The following ZNF484 variants were observed in gnomAD, a reference collection of about 807,000 sequenced individuals.
ZNF484 encodes the protein zinc finger protein 484, also known as KRAB box containing C2H2 type zinc finger bA526D8.4.
ZNF484 carries 11 observed loss-of-function variants against 12.9 expected under a neutral mutation model. That is an observed-to-expected ratio of 0.85 (90% CI 0.54 to 1.41). The LOEUF is 1.41. ZNF484 is among the 40% of genes most tolerant of loss of function. The pLI, the probability that ZNF484 is intolerant of heterozygous loss-of-function variation, is 0.00. For missense variants in ZNF484, 807 were observed against 1,007.7 expected (o/e 0.80, Z 2.70); for synonymous variants, 289 against 334.1 (o/e 0.86, Z 1.47).
intron 2 of ZNF484, among the ~76,000 whole-genome samples, chr9:92,862,812 T>C (rs35744667): frequency 1.8e-4 from 28 of 152,268 alleles, no homozygotes; most frequent in Non-Finnish European, 3.4e-4. Context: ...TTTTACACTG[T>C]TAGTGGGAAT....
chr9:92,876,242 A>C (rs1243440170), intron 1 of ZNF484, among the ~76,000 whole-genome samples: 1 of 152,196 alleles, frequency 6.6e-6, no homozygotes, highest in Non-Finnish European at 1.5e-5. Context: ...AAAAAAACAG[A>C]AAAAATGGGG....
chr9:92,852,014 A>T (rs1194147154), intron 4 of ZNF484, among the ~76,000 whole-genome samples: 2 of 152,240 alleles, frequency 1.3e-5, no homozygotes, highest in Non-Finnish European at 2.9e-5. Flanking sequence ...TAGTTTTTCT[A>T]GCCCTTTGAA....
chr9:92,875,114 A>C, intron 1 of ZNF484, 55 bp from the exon 2 acceptor site: 117 of 1,474,942 alleles, frequency 7.9e-5, no homozygotes, highest in Non-Finnish European at 1.0e-4. Context: ...TGCCAATGTC[A>C]CACATGGACA....
chr9:92,870,505 T>C (rs1857367689), intron 2 of ZNF484, among the ~76,000 whole-genome samples: 1 of 152,162 alleles, frequency 6.6e-6, no homozygotes, highest in Non-Finnish European at 1.5e-5. Context: ...TCCACTGCAA[T>C]AGGGTAGTAT....
In ZNF484 at chr9:92,846,239, A is replaced by G; in HGVS notation, c.2548T>C (p.Ser850Pro). 1 of 1,612,778 alleles carries G rather than the reference A, an allele frequency of 6.2e-7. No homozygotes were observed. Among genetic ancestry groups the G allele is most frequent in the Non-Finnish European group, 8.5e-7 (1 of 1,179,422 alleles). ...GDSEGDQGQL[S>P]SI ...GTTCATAATTCTAACTAGATAGAAGAAAGTTGGCCTTGGTCACCTTCTGAG... is the reference window on the plus strand; with the variant it reads ...GTTCATAATTCTAACTAGATAGAAGGAAGTTGGCCTTGGTCACCTTCTGAG... The change falls in exon 5 of 5, where the codon TCT becomes CCT. Residue 850 changes from serine (S) to proline (P), a missense_variant. Physicochemically the swap from Ser to Pro is moderately conservative, Grantham distance 74. Coordinates refer to ENST00000375495, the MANE Select transcript of ZNF484 (RefSeq NM_031486.4).
rs552705665 is a variant in ZNF484 at position 92,872,033 on chromosome 9, C to T, written c.15+2982G>A. On this transcript the variant is annotated intron_variant, in intron 2 of 4. Coordinates refer to ENST00000375495, the MANE Select transcript of ZNF484 (RefSeq NM_031486.4). ...ATCGCCTGAGGTTGGGAGTTTGAGA[C>T]CAGCCTGACCAACATGGAGAAACCC... is the stretch of plus-strand genomic sequence containing the variant. 1.3e-4 allele frequency among the ~76,000 whole-genome samples: 20 copies of T among 152,098 alleles called. No individual in the cohort carries two copies. The South Asian group carries it at 4.1e-3, about 32-fold the overall frequency.
rs1239038236 is a variant in ZNF484, at chr9:92,848,029, A to G, written c.758T>C (p.Phe253Ser). The stretch of plus-strand genomic sequence containing the variant: ...GGAGAAAACATTTACGTAGTCAGAA[A>G]ACAAATAGAGGCTCTCTCTAGTATG... ...KIHTRESLYL[F>S]SDYVNVFSPK... Residue 253 changes from phenylalanine to serine, a missense_variant, in exon 5 of 5, where the codon TTT becomes TCT. Transcript: ENST00000375495. The surrounding 1 kb of genome is among the most constrained non-coding windows in gnomAD (Gnocchi z 4.1). 1 of 1,614,226 alleles carries G rather than the reference A, an allele frequency of 6.2e-7. No homozygotes were observed. Among genetic ancestry groups the G allele is most frequent in the Admixed American group, 1.7e-5 (1 of 60,030 alleles).
chr9:92,872,771 T>TAAA (rs56991443), intron 2 of ZNF484, among the ~76,000 whole-genome samples: 67 of 148,764 alleles, frequency 4.5e-4, no homozygotes, highest in African/African-American at 1.6e-3. Flanking sequence ...TATAGAACTG[T>TAAA]AAAAAAAAAA....
At chr9:92,865,043 AGAGAGAGAGAGAGAAC>A (rs1322023943) in intron 2 of ZNF484, among the ~76,000 whole-genome samples, 1 of 149,946 alleles carries the variant, frequency 6.7e-6, no homozygotes, top group African/African-American at 2.5e-5. Context: ...AGAGAGAGAA[AGAGAGAGAGAGAGAAC>A]GAGAGAGAAA....
At chr9:92,867,979 T>A (rs549719263) in intron 2 of ZNF484, among the ~76,000 whole-genome samples, 1 of 152,342 alleles carries the variant, frequency 6.6e-6, no homozygotes, top group South Asian at 2.1e-4. Flanking sequence ...TGAGTGTCAA[T>A]AGGGCTGTAT....
In ZNF484 at chr9:92,846,997, G is replaced by A. The variant is rs1472789338; in HGVS notation, c.1790C>T (p.Thr597Ile). The A allele has an allele frequency of 6.2e-7, 1 of 1,613,998 alleles. No homozygotes were observed. The highest frequency in any genetic ancestry group is 1.7e-5 in the Admixed American group (1 of 60,014). ...CTCTCCAGTATGAATTCTCTCATGT[G>A]TAATAAAATGGGATTTGTGGAAGAA... is the stretch of plus-strand genomic sequence containing the variant. ...KAFFHKSHFI[T>I]HERIHTGEKP... The change falls in exon 5 of 5, where the codon ACA becomes ATA. Residue 597 changes from threonine (T) to isoleucine (I), a missense_variant. Coordinates refer to ENST00000375495, the MANE Select transcript of ZNF484 (RefSeq NM_031486.4).
At chr9:92,867,764 C>G (rs1564114656) in intron 2 of ZNF484, among the ~76,000 whole-genome samples, 2 of 152,170 alleles carry the variant, frequency 1.3e-5, no homozygotes, top group Non-Finnish European at 2.9e-5. Context: ...CTGCACTGAG[C>G]ACATCTTCTC....
rs776370950 is a variant in ZNF484, at chr9:92,848,530, G to A, written c.257C>T (p.Pro86Leu). 1.1e-5 allele frequency: 17 copies of A among 1,590,146 alleles called. No homozygotes were observed. In the East Asian group the frequency reaches 3.6e-4, roughly 33 times the overall value. The change falls in exon 5 of 5, where the codon CCT becomes CTT. Residue 86 changes from proline to leucine, a missense_variant. Physicochemically the swap from Pro to Leu is moderately conservative, Grantham distance 98 (BLOSUM62 -3). Transcript: ENST00000375495. The surrounding 1 kb of genome is among the most constrained non-coding windows in gnomAD (Gnocchi z 4.1). Reference sequence around the variant, plus strand: ...TTCTTCAGACATCCTCTGTTGTAAAGGTCCAAAACCAATGTCCCCATCTAA... The same window carrying A: ...TTCTTCAGACATCCTCTGTTGTAAAAGTCCAAAACCAATGTCCCCATCTAA... ...SRPDGDIGFG[P>L]LQQRMSEEVS...
At position 92,874,548 on chromosome 9, in the gene ZNF484, G is replaced by A. The variant is rs182386189; in HGVS notation, c.15+467C>T. Reference sequence around the variant, plus strand: ...GTTGGTCTGGAACTCCTGATCTCATGTGATCCACCTGCCTCGACCTCCCAA... The same window carrying A: ...GTTGGTCTGGAACTCCTGATCTCATATGATCCACCTGCCTCGACCTCCCAA... On this transcript the variant is annotated intron_variant, in intron 2 of 4. Transcript: ENST00000375495. Among the ~76,000 whole-genome samples the A allele has an allele frequency of 5.9e-5, 9 of 152,230 alleles. No individual in the cohort carries two copies. The East Asian group carries it at 1.7e-3, about 29-fold the overall frequency.
rs572032363 is a variant in ZNF484, at chr9:92,862,243, C to A, written c.16-5925G>T. 7 of 597,328 alleles carry A rather than the reference C, an allele frequency of 1.2e-5. 1 individual carries two copies. In the South Asian group the frequency reaches 5.2e-4, roughly 44 times the overall value. The allele number at this position is 597,328 out of a possible 1,614,324, so 37.0% of individuals were successfully genotyped here. ...TTACTTAGGTAATTCTTAGGAATTA[C>A]CTGCCATATATTTACTAAGCAAGAT... On this transcript the variant is annotated intron_variant, in intron 2 of 4. Transcript: ENST00000375495.
intron 3 of ZNF484, 78 bp from the exon 4 acceptor site, chr9:92,855,981 C>A: frequency 1.3e-6 from 2 of 1,515,260 alleles, no homozygotes; most frequent in South Asian, 1.2e-5. Flanking sequence ...CAAAAAAGTT[C>A]ACTGGGAACA....
rs1280668730 is a variant in ZNF484, at chr9:92,848,230, T to C, written c.557A>G (p.Glu186Gly). ...TCTATTATATAAGGTTATGATAGGCTCCAAATTCTTTCCACACGAGTTACA... is the reference window on the plus strand; with the variant it reads ...TCTATTATATAAGGTTATGATAGGCCCCAAATTCTTTCCACACGAGTTACA... ...HNCNSCGKNL[E>G]PIITLYNRNN... The change falls in exon 5 of 5, where the codon GAG (glutamate) becomes GGG (glycine). Residue 186 changes from glutamate (E) to glycine (G), a missense_variant. Glu to Gly is a moderately conservative substitution (Grantham distance 98). Transcript: ENST00000375495. This position sits in a 1 kb window ranked among gnomAD's most constrained non-coding sequence, Gnocchi z 4.1. The C allele has an allele frequency of 5.0e-6, 8 of 1,614,178 alleles. No individual in the cohort carries two copies. The highest frequency in any genetic ancestry group is 6.8e-6 in the Non-Finnish European group (8 of 1,180,012).
chr9:92,866,598 C>T (rs1247053000), intron 2 of ZNF484, among the ~76,000 whole-genome samples: 1 of 152,182 alleles, frequency 6.6e-6, no homozygotes, highest in Non-Finnish European at 1.5e-5. Flanking sequence ...CCTCAAGGAT[C>T]TAGAACCAGA....
At chr9:92,874,100 T>C (rs1369490338) in intron 2 of ZNF484, among the ~76,000 whole-genome samples, 1 of 152,188 alleles carries the variant, frequency 6.6e-6, no homozygotes, top group Admixed American at 6.5e-5. Flanking sequence ...TCAACTCCCA[T>C]TCACGATAAA....
Sources: gnomAD v4.1 joint callset for allele counts (sites outside exome capture counted in the v4.1 genomes callset) on GRCh38, gnomAD v4.1.1 for gene constraint, Gnocchi (gnomAD v3.1) non-coding constraint, MANE v1.5 for transcripts, NCBI Gene and HGNC (gene_info 2026-07-23, HGNC 2026-07-21) for gene names.